Variants in FAHD2B observed in about 807,000 individuals in gnomAD.
FAHD2B encodes the protein fumarylacetoacetate hydrolase domain containing 2B.
A neutral mutation model predicts 33.7 loss-of-function variants in FAHD2B; 26 were observed. The observed-to-expected ratio is 0.77, with a 90% confidence interval of 0.57 to 1.07. FAHD2B has a LOEUF of 1.07. Among genes scored for constraint, FAHD2B ranks in the 50% least tolerant of loss-of-function variants. The probability of loss-of-function intolerance (pLI) is 0.00; values close to 1 mark genes in which losing one functional copy is unlikely to be tolerated. For synonymous variants in FAHD2B, 108 were observed against 150.9 expected, an observed-to-expected ratio of 0.72 and a Z score of 2.08; for missense variants, 272 against 388.1, an observed-to-expected ratio of 0.70 and a Z score of 2.51.
chr2:97,082,348 G>A (rs1241261163), downstream of FAHD2B: 5 of 1,607,796 alleles, frequency 3.1e-6, no homozygotes, highest in Non-Finnish European at 4.2e-6. Flanking sequence ...AGTCCTCGAG[G>A]CAGGCTGTGT....
At chr2:97,082,674 T>G, downstream of FAHD2B, 2 of 1,575,488 alleles carry the variant, frequency 1.3e-6, no homozygotes, top group Non-Finnish European at 1.7e-6. Flanking sequence ...CCTCCCTACC[T>G]AGAGCCTTCA....
intron 5 of FAHD2B, 39 bp from the exon 6 acceptor site, chr2:97,085,900 T>A (rs376578030): frequency 6.2e-7 from 1 of 1,612,268 alleles, no homozygotes; most frequent in South Asian, 1.1e-5. Flanking sequence ...GGAGGTTAGA[T>A]CACGGGTGAC....
chr2:97,088,944 G>C (rs1025675521), intron 4 of FAHD2B, among the ~76,000 whole-genome samples: 1 of 152,082 alleles, frequency 6.6e-6, no homozygotes, highest in Non-Finnish European at 1.5e-5. Context: ...GGCAGGGAGA[G>C]GGCAAGGGAG....
downstream of FAHD2B, chr2:97,081,887 C>T: frequency 1.7e-6 from 1 of 575,150 alleles, no homozygotes; most frequent in Non-Finnish European, 3.1e-6. Context: ...TCTGGCCATC[C>T]TCTTGGGTCT....
intron 6 of FAHD2B, among the ~76,000 whole-genome samples, chr2:97,084,593 A>G (rs1022835201): frequency 1.3e-5 from 2 of 152,014 alleles, no homozygotes; most frequent in African/African-American, 4.8e-5. Flanking sequence ...GCATAGGAAG[A>G]TACCTGTAGA....
rs552846392 is a variant in FAHD2B, at chr2:97,094,130, G to A, written c.-133+571C>T. Among the ~76,000 whole-genome samples the A allele has an allele frequency of 2.2e-3, 341 of 152,222 alleles. 1 individual carries two copies. The highest frequency in any genetic ancestry group is 2.6e-3 in the Non-Finnish European group (180 of 68,032). ...AGATCCTCCAGAGGCCCTGCAAACAGCCATGCGTGGGGAAACTACAGGCGC... is the reference window on the plus strand; with the variant it reads ...AGATCCTCCAGAGGCCCTGCAAACAACCATGCGTGGGGAAACTACAGGCGC... On this transcript the variant is annotated intron_variant, in intron 1 of 8. Transcript: ENST00000414820.
chr2:97,092,000 G>C lies in FAHD2B; in HGVS notation c.-132-12C>G. Reference sequence around the variant, plus strand: ...TGTGCTTGGCTCTGCTGTAGGTATTGGGGAAACAATGTAGGTCAAACTCAG... The same window carrying C: ...TGTGCTTGGCTCTGCTGTAGGTATTCGGGAAACAATGTAGGTCAAACTCAG... On this transcript the variant is annotated splice_polypyrimidine_tract_variant and intron_variant, in intron 1 of 8. Transcript: ENST00000414820. 1 of 343,618 alleles carries C rather than the reference G, an allele frequency of 2.9e-6. No individual in the cohort carries two copies. Among genetic ancestry groups the C allele is most frequent in the East Asian group, 5.0e-5 (1 of 20,138 alleles). 21.3% of individuals were successfully genotyped at this position (343,618 alleles called of 1,614,324 possible).
downstream of FAHD2B, chr2:97,082,372 C>G (rs936475742): frequency 1.9e-5 from 31 of 1,613,178 alleles, no homozygotes; most frequent in Middle Eastern, 2.0e-3. Context: ...TGCTGGGTGC[C>G]AGGTCTAGGT....
In FAHD2B at chr2:97,085,817, A is replaced by G; in HGVS notation, c.567T>C (p.His189=). The change falls in exon 6 of 9, where the codon CAT becomes CAC. Residue 189 remains histidine, a synonymous_variant. Transcript: ENST00000414820. ...MAHVAGFTVA[H]DVSARDWLTR... is the part of the protein sequence containing the mutation. ...TTAGCCAGTCACGAGCACTCACGTC[A>G]TGAGCCACAGTGAAGCCGGCCACGT... is the stretch of plus-strand genomic sequence containing the variant. 1 of 1,613,868 alleles carries G rather than the reference A, an allele frequency of 6.2e-7. No individual in the cohort carries two copies. Among genetic ancestry groups the G allele is most frequent in the Non-Finnish European group, 8.5e-7 (1 of 1,179,862 alleles).
intron 6 of FAHD2B, among the ~76,000 whole-genome samples, chr2:97,084,950 G>C (rs891585786): frequency 2.0e-5 from 3 of 151,576 alleles, no homozygotes; most frequent in Non-Finnish European, 4.4e-5. Flanking sequence ...ATAAAGCAGT[G>C]AGGCAGTGGT....
chr2:97,084,910 CA>C (rs11314789), intron 6 of FAHD2B, among the ~76,000 whole-genome samples: 24,192 of 67,590 alleles, frequency 0.36, 3,088 homozygotes, highest in African/African-American at 0.58. Flanking sequence ...AAGACCATGC[CA>C]AAAAAAAAAA....
intron 4 of FAHD2B, chr2:97,086,932 TC>T (rs2032025759): frequency 1.3e-5 from 2 of 152,072 alleles, no homozygotes; most frequent in Non-Finnish European, 2.9e-5. Context: ...AACTTGAAGG[TC>T]CCTCATTGGC....
downstream of FAHD2B, chr2:97,082,068 T>C (rs2031663642): frequency 2.5e-6 from 4 of 1,586,512 alleles, no homozygotes; most frequent in Admixed American, 5.3e-5. Context: ...ATTTTACTGA[T>C]AGTGACAGTG....
At chr2:97,083,460 C>T (rs183442024), downstream of FAHD2B, 53 of 1,221,794 alleles carry the variant, frequency 4.3e-5, no homozygotes, top group Non-Finnish European at 5.6e-5. Context: ...GTCTTTTCCC[C>T]AGCCCAGCAG....
chr2:97,084,283 A>G lies in FAHD2B; in HGVS notation c.686-6T>C, dbSNP rs2031810545. The G allele has an allele frequency of 6.2e-7, 1 of 1,612,718 alleles. No individual in the cohort carries two copies. Among genetic ancestry groups the G allele is most frequent in the African/African-American group, 1.3e-5 (1 of 74,714 alleles). On this transcript the variant is annotated splice_region_variant and splice_polypyrimidine_tract_variant and intron_variant, in intron 6 of 8. Coordinates refer to ENST00000414820, the MANE Select transcript of FAHD2B (RefSeq NM_001320848.2). ...GATCTTTAAGTTGTGTGGATCTGAA[A>G]TGCAAAGATGGAACCTTGGAGTTAT...
downstream of FAHD2B, among the ~76,000 whole-genome samples, chr2:97,080,492 C>T (rs2153381180): frequency 6.6e-6 from 1 of 152,018 alleles, no homozygotes; most frequent in African/African-American, 2.4e-5. Context: ...TACTGTAGAC[C>T]TGTAGTATAG....
At chr2:97,084,138 C>T (rs772048794) in intron 7 of FAHD2B, 31 bp downstream of exon 7, 14 of 1,612,712 alleles carry the variant, frequency 8.7e-6, no homozygotes, top group African/African-American at 2.7e-5. Flanking sequence ...GCAGGTGGAG[C>T]GGGGCTGGCA....
At chr2:97,092,358 A>C (rs1428744042) in intron 1 of FAHD2B, among the ~76,000 whole-genome samples, 1 of 152,078 alleles carries the variant, frequency 6.6e-6, no homozygotes, top group African/African-American at 2.4e-5. Context: ...CAACACCCCC[A>C]CCTGCCTCCC....
intron 4 of FAHD2B, among the ~76,000 whole-genome samples, chr2:97,089,002 T>C (rs1388390502): frequency 6.6e-6 from 1 of 152,072 alleles, no homozygotes; most frequent in Non-Finnish European, 1.5e-5. Flanking sequence ...GTGAAAAGTA[T>C]ATGAGCATTC....
Sources: allele counts gnomAD v4.1 joint callset (sites outside exome capture counted in the v4.1 genomes callset), GRCh38; gene constraint gnomAD v4.1.1; transcripts MANE v1.5; gene names NCBI Gene and HGNC (gene_info 2026-07-23, HGNC 2026-07-21).